The following CUX2 variants were observed in gnomAD, a reference collection of about 807,000 sequenced individuals.
CUX2 encodes the protein cut like homeobox 2.
CUX2 carries 40 observed loss-of-function variants against 144.8 expected under a neutral mutation model. The observed-to-expected ratio is 0.28, with a 90% CI of 0.21 to 0.36. The LOEUF (loss-of-function observed/expected upper bound fraction) is 0.36, where lower values mean the gene tolerates loss of function less well. Among genes scored for constraint, CUX2 ranks in the 10% least tolerant of loss-of-function variants. The pLI is 1.00. For synonymous variants in CUX2, 827 were observed against 875.6 expected, an observed-to-expected ratio of 0.94 and a Z score of 0.98; for missense variants, 1,615 against 1,994.0, an observed-to-expected ratio of 0.81 and a Z score of 3.62.
chr12:111,341,901 G>A lies in CUX2; in HGVS notation c.3507G>A (p.Lys1169=). ...AGGACCTGAGCCTCCTGCAGATCAA[G>A]AAGCCCCGGGTGGTGCTGGCACCCG... is the stretch of plus-strand genomic sequence containing the variant. ...QPQDLSLLQI[K]KPRVVLAPEE... Residue 1169 remains lysine (K), a synonymous_variant, in exon 21 of 22, where the codon AAG becomes AAA. Coordinates refer to ENST00000261726, the MANE Select transcript of CUX2 (RefSeq NM_015267.4). 6.2e-7 allele frequency: 1 copy of A among 1,614,096 alleles called. No individual in the cohort carries two copies. Among genetic ancestry groups the A allele is most frequent in the Non-Finnish European group, 8.5e-7 (1 of 1,180,022 alleles).
chr12:111,133,719 G>A (rs370172878), intron 1 of CUX2, among the ~76,000 whole-genome samples: 12 of 152,130 alleles, frequency 7.9e-5, no homozygotes, highest in Non-Finnish European at 1.5e-4. Context: ...GGTTGGGGGC[G>A]GGGGTCTTTA....
At chr12:111,108,531 A>C (rs1057445076) in intron 1 of CUX2, among the ~76,000 whole-genome samples, 4 of 151,828 alleles carry the variant, frequency 2.6e-5, no homozygotes, top group African/African-American at 9.7e-5. Context: ...CTTCTTCCCC[A>C]TTTATTTATC....
At chr12:111,347,443 C>G in intron 21 of CUX2, 81 bp from the exon 22 acceptor site, 1 of 1,391,652 alleles carries the variant, frequency 7.2e-7, no homozygotes, top group Non-Finnish European at 9.7e-7. Context: ...TGGGTGGGAC[C>G]AAAATGCCAT....
intron 1 of CUX2, among the ~76,000 whole-genome samples, chr12:111,076,757 G>A (rs928432866): frequency 2.0e-5 from 3 of 152,078 alleles, no homozygotes; most frequent in Non-Finnish European, 4.4e-5. Context: ...CGTTGACTAC[G>A]GGCCCCAAAA....
chr12:111,176,022 C>CTCT (rs1209886278), intron 1 of CUX2, among the ~76,000 whole-genome samples: 24 of 137,616 alleles, frequency 1.7e-4, no homozygotes, highest in East Asian at 2.1e-4. Flanking sequence ...TTTGAGGAGT[C>CTCT]TCTTCTTCTT....
Position 111,277,095 on chromosome 12 carries a change from T to C in CUX2, c.301+13256T>C, listed in dbSNP as rs1884915431. 6.6e-6 allele frequency among the ~76,000 whole-genome samples: 1 copy of C among 152,144 alleles called. No homozygotes were observed. The highest frequency in any genetic ancestry group is 1.5e-5 in the Non-Finnish European group (1 of 68,016). On this transcript the variant is annotated intron_variant, in intron 4 of 21. Transcript: ENST00000261726. The surrounding 1 kb of genome is among the most constrained non-coding windows in gnomAD (Gnocchi z 5.0). The stretch of plus-strand genomic sequence containing the variant: ...CTGCCCCCTGCCCTACCCAACCTTG[T>C]GGATGTGGGGGCCCCATCTGCCCCA...
intron 4 of CUX2, among the ~76,000 whole-genome samples, chr12:111,278,478 C>A (rs528863611): frequency 2.0e-5 from 3 of 152,188 alleles, no homozygotes; most frequent in Non-Finnish European, 4.4e-5. Flanking sequence ...CTTTGAGGAG[C>A]CATTATTCTG....
At chr12:111,248,535 C>T (rs1883394768) in intron 3 of CUX2, among the ~76,000 whole-genome samples, 1 of 151,828 alleles carries the variant, frequency 6.6e-6, no homozygotes, top group Non-Finnish European at 1.5e-5. Flanking sequence ...CCTGTTGCAG[C>T]ATTGTCTGTC....
chr12:111,217,767 G>A lies in CUX2; in HGVS notation c.175-123G>A, dbSNP rs538442945. On this transcript the variant is annotated intron_variant, in intron 2 of 21. Coordinates refer to ENST00000261726, the MANE Select transcript of CUX2 (RefSeq NM_015267.4). ...TGTGTCCCTTGTGAAATCCAATGGA[G>A]TTCAGGCCCCACGGGACATGCTTGG... is the stretch of plus-strand genomic sequence containing the variant. 94 of 993,866 alleles carry A rather than the reference G, an allele frequency of 9.5e-5. 1 individual carries two copies. The South Asian group carries it at 1.3e-3, about 13-fold the overall frequency. The allele number at this position is 993,866 out of a possible 1,614,324, so 61.6% of individuals were successfully genotyped here.
chr12:111,167,858 CTAA>C, intron 1 of CUX2, among the ~76,000 whole-genome samples: 1 of 152,056 alleles, frequency 6.6e-6, no homozygotes, highest in Non-Finnish European at 1.5e-5. Context: ...CCACGCCCAG[CTAA>C]TTTTTGTATT....
chr12:111,091,195 C>G (rs941764877), intron 1 of CUX2, among the ~76,000 whole-genome samples: 1 of 152,240 alleles, frequency 6.6e-6, no homozygotes, highest in Non-Finnish European at 1.5e-5. Context: ...CCCACTCCAG[C>G]CAGGGCCAGG....
At chr12:111,065,426 C>T (rs993561513) in intron 1 of CUX2, among the ~76,000 whole-genome samples, 4 of 152,204 alleles carry the variant, frequency 2.6e-5, no homozygotes, top group Admixed American at 2.6e-4. Context: ...CTCCGCCTCT[C>T]CTGAGTTCAA....
Position 111,035,681 on chromosome 12 carries a change from C to G in CUX2, c.63+1441C>G, listed in dbSNP as rs73427608. 0.02 allele frequency among the ~76,000 whole-genome samples: 3,040 copies of G among 151,484 alleles called. 94 individuals carry two copies. The highest frequency in any genetic ancestry group is 0.069 in the African/African-American group (2,823 of 40,992). ...TCTTCTGATAAGTGGTTCCAGCACCCGCGCCTTCTCCCCGTCCTGGCCGCT... is the reference window on the plus strand; with the variant it reads ...TCTTCTGATAAGTGGTTCCAGCACCGGCGCCTTCTCCCCGTCCTGGCCGCT... On this transcript the variant is annotated intron_variant, in intron 1 of 21. Coordinates refer to ENST00000261726, the MANE Select transcript of CUX2 (RefSeq NM_015267.4). This position sits in a 1 kb window ranked among gnomAD's most constrained non-coding sequence, Gnocchi z 6.0.
At chr12:111,109,013 T>A (rs1873778727) in intron 1 of CUX2, among the ~76,000 whole-genome samples, 1 of 152,184 alleles carries the variant, frequency 6.6e-6, no homozygotes, top group Admixed American at 6.5e-5. Context: ...CTATCTCCCT[T>A]TCAGGGCATG....
chr12:111,223,659 T>C (rs1207669375), intron 3 of CUX2, among the ~76,000 whole-genome samples: 1 of 152,148 alleles, frequency 6.6e-6, no homozygotes, highest in Non-Finnish European at 1.5e-5. Flanking sequence ...AGACAGCACA[T>C]GGCGGAGAGG....
intron 17 of CUX2, among the ~76,000 whole-genome samples, chr12:111,321,074 G>A (rs771544291): frequency 3.2e-4 from 48 of 152,210 alleles, no homozygotes; most frequent in Non-Finnish European, 6.0e-4. Flanking sequence ...GCTCACGCCT[G>A]TAATCCCAGC....
chr12:111,118,883 CCCACCAATGTGGAGAA>C (rs1306093702), intron 1 of CUX2, among the ~76,000 whole-genome samples: 1 of 152,134 alleles, frequency 6.6e-6, no homozygotes, highest in African/African-American at 2.4e-5. Context: ...TCTAAGCTTT[CCCACCAATGTGGAGAA>C]GTACAACTCC....
intron 17 of CUX2, among the ~76,000 whole-genome samples, chr12:111,321,673 C>T (rs900383626): frequency 6.6e-6 from 1 of 152,096 alleles, no homozygotes; most frequent in African/African-American, 2.4e-5. Flanking sequence ...CAGAGCAAGA[C>T]CTCATCCCCC....
intron 3 of CUX2, among the ~76,000 whole-genome samples, chr12:111,219,407 TCC>T (rs1354374990): frequency 4.6e-5 from 7 of 150,582 alleles, no homozygotes; most frequent in African/African-American, 1.7e-4. Flanking sequence ...AAATAGAGGT[TCC>T]CATCTACCAA....
Sources: allele counts gnomAD v4.1 joint callset (sites outside exome capture counted in the v4.1 genomes callset), GRCh38; gene constraint gnomAD v4.1.1; non-coding constraint Gnocchi (gnomAD v3.1); transcripts MANE v1.5; gene names NCBI Gene and HGNC (gene_info 2026-07-23, HGNC 2026-07-21).